Variants in NAALADL2 observed in about 807,000 individuals in gnomAD.
NAALADL2 encodes the protein inactive N-acetylated-alpha-linked acidic dipeptidase-like protein 2.
Under a neutral mutation model 87.2 loss-of-function variants are expected in NAALADL2, and 76 were observed. That is an observed-to-expected ratio of 0.87 (90% CI 0.72 to 1.05). The LOEUF is 1.05. Among genes scored for constraint, NAALADL2 ranks in the 50% least tolerant of loss-of-function variants. The pLI is 0.00. For missense variants in NAALADL2, 1,089 were observed against 945.8 expected (o/e 1.15, Z -1.99); for synonymous variants, 354 against 331.0 (o/e 1.07, Z -0.75).
rs559905960 is a variant in NAALADL2 at position 175,146,797 on chromosome 3, T to A, written c.545+49506T>A. Among the ~76,000 whole-genome samples the A allele has an allele frequency of 2.7e-4, 41 of 151,984 alleles. 1 individual carries two copies. The East Asian group carries it at 6.9e-3, about 26-fold the overall frequency. ...TGTGTGAAATTGTTGGCTTAACTTT[T>A]CTCTTTTTGAAAAAGGGAAGGTAGC... On this transcript the variant is annotated intron_variant, in intron 2 of 13. Transcript: ENST00000454872.
At chr3:175,165,363 T>C (rs529764100) in intron 2 of NAALADL2, among the ~76,000 whole-genome samples, 14 of 152,124 alleles carry the variant, frequency 9.2e-5, no homozygotes, top group Non-Finnish European at 1.5e-4. Flanking sequence ...AATGCTTATA[T>C]AGTGAATGGG....
intron 1 of NAALADL2, among the ~76,000 whole-genome samples, chr3:174,547,676 A>C (rs932056353): frequency 6.6e-6 from 1 of 152,090 alleles, no homozygotes; most frequent in Non-Finnish European, 1.5e-5. Context: ...CATTCTTCCT[A>C]AGATATCATT....
chr3:175,600,601 G>C (rs369321431), intron 10 of NAALADL2, among the ~76,000 whole-genome samples: 87 of 135,470 alleles, frequency 6.4e-4, no homozygotes, highest in African/African-American at 2.3e-3. Flanking sequence ...CCAGTGGCGC[G>C]ATCTCGGCTC....
At chr3:175,742,999 CTT>C (rs113136524) in intron 12 of NAALADL2, among the ~76,000 whole-genome samples, 2 of 143,950 alleles carry the variant, frequency 1.4e-5, no homozygotes, top group Admixed American at 6.9e-5. Context: ...AATTCCAAAT[CTT>C]TTTTTTTTTT....
At chr3:175,065,970 G>C (rs908558721) in intron 1 of NAALADL2, among the ~76,000 whole-genome samples, 3 of 152,170 alleles carry the variant, frequency 2.0e-5, no homozygotes, top group African/African-American at 7.2e-5. Flanking sequence ...TTGCCATCAA[G>C]CTCCAGATAT....
At chr3:175,009,875 T>TA in intron 1 of NAALADL2, among the ~76,000 whole-genome samples, 1 of 152,016 alleles carries the variant, frequency 6.6e-6, no homozygotes, top group Non-Finnish European at 1.5e-5. Flanking sequence ...TATTAGTTTT[T>TA]ATCAAAATAA....
intron 1 of NAALADL2, among the ~76,000 whole-genome samples, chr3:175,075,551 T>C (rs1708699766): frequency 6.6e-6 from 1 of 152,210 alleles, no homozygotes; most frequent in Non-Finnish European, 1.5e-5. Flanking sequence ...TTTTAGTCCC[T>C]GGGACTTTCT....
At chr3:175,267,431 C>G (rs991497130) in intron 4 of NAALADL2, among the ~76,000 whole-genome samples, 15 of 152,042 alleles carry the variant, frequency 9.9e-5, no homozygotes, top group South Asian at 2.1e-4. Context: ...TATAAAAACC[C>G]TCTGTTCACA....
At chr3:175,565,139 G>C (rs1368220392) in intron 9 of NAALADL2, among the ~76,000 whole-genome samples, 1 of 152,140 alleles carries the variant, frequency 6.6e-6, no homozygotes, top group African/African-American at 2.4e-5. Context: ...AAATCTTTAG[G>C]CCAGCAGTGG....
At chr3:175,014,153 C>T (rs1750519428) in intron 1 of NAALADL2, among the ~76,000 whole-genome samples, 1 of 152,040 alleles carries the variant, frequency 6.6e-6, no homozygotes, top group Admixed American at 6.6e-5. Context: ...CCAACCTCAT[C>T]TTCTATGATT....
chr3:174,481,318 C>T (rs912676743), intron 1 of NAALADL2, among the ~76,000 whole-genome samples: 6 of 151,978 alleles, frequency 3.9e-5, no homozygotes, highest in East Asian at 1.9e-4. Context: ...GAAAGAGTAA[C>T]ATGAGGGGCA....
At chr3:174,748,234 G>C (rs183025135) in intron 3 of NAALADL2, among the ~76,000 whole-genome samples, 1 of 152,032 alleles carries the variant, frequency 6.6e-6, no homozygotes. Context: ...GTGATGGGTT[G>C]GTAGGTGCAG....
intron 2 of NAALADL2, among the ~76,000 whole-genome samples, chr3:175,132,241 G>A (rs1184362235): frequency 3.2e-5 from 2 of 61,844 alleles, no homozygotes; most frequent in African/African-American, 1.0e-4. Context: ...CTCCCGGACG[G>A]GGCGGCTGGC....
intron 2 of NAALADL2, among the ~76,000 whole-genome samples, chr3:175,195,726 G>T (rs1316478647): frequency 6.6e-6 from 1 of 151,940 alleles, no homozygotes; most frequent in Non-Finnish European, 1.5e-5. Flanking sequence ...AGCCTGTACA[G>T]GCATAAATTA....
chr3:175,506,750 T>A (rs923797314), intron 9 of NAALADL2, among the ~76,000 whole-genome samples: 1 of 152,228 alleles, frequency 6.6e-6, no homozygotes, highest in African/African-American at 2.4e-5. Context: ...TTAAATATAC[T>A]TCATAGATAC....
At chr3:174,916,233 T>C (rs1333186158) in intron 1 of NAALADL2, among the ~76,000 whole-genome samples, 2 of 152,080 alleles carry the variant, frequency 1.3e-5, no homozygotes, top group Non-Finnish European at 2.9e-5. Flanking sequence ...GGTGTGGATG[T>C]GGTGAAAAGG....
chr3:174,998,975 G>A (rs6445187), intron 1 of NAALADL2, among the ~76,000 whole-genome samples: 52,206 of 151,934 alleles, frequency 0.34, 13,072 homozygotes, highest in African/African-American at 0.71. Context: ...TCATATCTGT[G>A]GCATTATCCT....
At chr3:175,062,289 C>G (rs1395825475) in intron 1 of NAALADL2, among the ~76,000 whole-genome samples, 5 of 152,132 alleles carry the variant, frequency 3.3e-5, no homozygotes, top group Admixed American at 2.6e-4. Flanking sequence ...GAAAGAAACT[C>G]AAGGTCACAG....
intron 6 of NAALADL2, among the ~76,000 whole-genome samples, chr3:175,454,657 C>T (rs1469284413): frequency 2.0e-5 from 3 of 151,968 alleles, no homozygotes; most frequent in Non-Finnish European, 2.9e-5. Flanking sequence ...TAAATTTTGA[C>T]CTAGTAAGTT....
Sources: allele counts gnomAD v4.1 joint callset (sites outside exome capture counted in the v4.1 genomes callset), GRCh38; gene constraint gnomAD v4.1.1; transcripts MANE v1.5; gene names NCBI Gene and HGNC (gene_info 2026-07-23, HGNC 2026-07-21).